The following SOS2 variants were observed in gnomAD, a reference collection of about 807,000 sequenced individuals.
SOS2 encodes SOS Ras/Rho guanine nucleotide exchange factor 2.
Under a neutral mutation model 148.2 loss-of-function variants are expected in SOS2, and 65 were observed. The observed-to-expected ratio is 0.44, with a 90% confidence interval of 0.36 to 0.54. SOS2 has a LOEUF of 0.54. Ranked by LOEUF, SOS2 falls within the 20% of genes least tolerant of loss-of-function variation. The pLI, the probability that SOS2 is intolerant of heterozygous loss-of-function variation, is 0.00. For synonymous variants in SOS2, 539 were observed against 537.1 expected (o/e 1.00, Z -0.05); for missense variants, 1,341 against 1,590.2 (o/e 0.84, Z 2.67).
chr14:50,204,220 T>C lies in SOS2; in HGVS notation c.213+64A>G, dbSNP rs149453618. 215 of 968,036 alleles carry C rather than the reference T, an allele frequency of 2.2e-4. 1 individual carries two copies. Among genetic ancestry groups the C allele is most frequent in the African/African-American group, 1.9e-3 (112 of 59,562 alleles). 60.0% of individuals were successfully genotyped at this position (968,036 alleles called of 1,614,324 possible). A position where few individuals can be genotyped will look rare whatever the true frequency, so the allele number is the denominator to read the frequency against. ...GTTTTCACAATAAATTAGAATGATA[T>C]AGATACAAAAATTAATTCATACAGT... On this transcript the variant is annotated intron_variant, in intron 2 of 22. Transcript: ENST00000216373.
At position 50,200,870 on chromosome 14, in the gene SOS2, T is replaced by C. The variant is rs538540157; in HGVS notation, c.345+83A>G. On this transcript the variant is annotated intron_variant, in intron 3 of 22. Transcript: ENST00000216373. ...ATATACACACTAACACAGACCATGC[T>C]ACATTAATGCTTTATAAATATAGAA... The C allele has an allele frequency of 3.0e-6, 4 of 1,321,514 alleles. No individual in the cohort carries two copies. In the African/African-American group the frequency reaches 5.9e-5, roughly 19 times the overall value. 81.9% of individuals were successfully genotyped at this position (1,321,514 alleles called of 1,614,324 possible).
intron 1 of SOS2, among the ~76,000 whole-genome samples, chr14:50,212,065 T>C (rs191609812): frequency 1.8e-4 from 27 of 152,182 alleles, no homozygotes; most frequent in Non-Finnish European, 2.9e-4. Context: ...ATACATACAA[T>C]GGGATTCCAT....
chr14:50,125,703 T>C (rs1420802393), intron 21 of SOS2, among the ~76,000 whole-genome samples: 1 of 152,082 alleles, frequency 6.6e-6, no homozygotes, highest in Non-Finnish European at 1.5e-5. Flanking sequence ...AAGGAAGGCA[T>C]GGACATGAAA....
Position 50,162,112 on chromosome 14 carries a change from G to GA in SOS2, c.1069-504dup, listed in dbSNP as rs965777010. On this transcript the variant is annotated intron_variant, in intron 8 of 22. Coordinates refer to ENST00000216373, the MANE Select transcript of SOS2 (RefSeq NM_006939.4). ...AAACTAACATGAGCATAGTAATCAG[G>GA]AAAAAAAAAAGCAACTGTAAAAACC... Among the ~76,000 whole-genome samples, 356 of 141,518 alleles carry GA rather than the reference G, an allele frequency of 2.5e-3. 3 individuals carry two copies. Among genetic ancestry groups the GA allele is most frequent in the South Asian group, 6.0e-3 (25 of 4,134 alleles). 92.8% of individuals were successfully genotyped at this position (141,518 alleles called of 152,430 possible).
chr14:50,196,846 T>C (rs1325576951), intron 4 of SOS2, among the ~76,000 whole-genome samples: 2 of 152,098 alleles, frequency 1.3e-5, no homozygotes, highest in African/African-American at 2.4e-5. Context: ...CTAGGGCTCC[T>C]AATAACCAAA....
At chr14:50,135,118 A>C (rs1884035017) in intron 18 of SOS2, among the ~76,000 whole-genome samples, 1 of 149,540 alleles carries the variant, frequency 6.7e-6, no homozygotes, top group South Asian at 2.1e-4. Flanking sequence ...AGAAAGAAAG[A>C]ATGATTATAA....
At chr14:50,185,826 C>T (rs1885890844) in intron 5 of SOS2, among the ~76,000 whole-genome samples, 1 of 152,032 alleles carries the variant, frequency 6.6e-6, no homozygotes, top group Non-Finnish European at 1.5e-5. Flanking sequence ...ATATTCTAGG[C>T]ACTCTTCTAA....
chr14:50,180,551 A>AACCTTCAATTT, intron 7 of SOS2, 21 bp downstream of exon 7: 1 of 1,097,482 alleles, frequency 9.1e-7, no homozygotes, highest in Admixed American at 2.5e-5. Flanking sequence ...AAAAAAAAAA[A>AACCTTCAATTT]AACCTTCAAT....
intron 6 of SOS2, among the ~76,000 whole-genome samples, chr14:50,181,415 T>C (rs1333547390): frequency 1.3e-5 from 2 of 149,208 alleles, no homozygotes; most frequent in Non-Finnish European, 3.0e-5. Context: ...GCCATTGCAC[T>C]CTAGAATGGG....
chr14:50,134,264 T>C, intron 18 of SOS2, 25 bp from the exon 19 acceptor site: 2 of 1,038,936 alleles, frequency 1.9e-6, no homozygotes, highest in Non-Finnish European at 3.0e-6. Context: ...ATAACACAAG[T>C]GCATATATAG....
At position 50,139,091 on chromosome 14, in the gene SOS2, T is replaced by C. The variant is rs1884178796; in HGVS notation, c.2786-307A>G. On this transcript the variant is annotated intron_variant, in intron 17 of 22. Coordinates refer to ENST00000216373, the MANE Select transcript of SOS2 (RefSeq NM_006939.4). ...CTAATTTCACCAAGTGCAAATTGTG[T>C]TAAATCTATTCTGACCAAATATTTT... is the stretch of plus-strand genomic sequence containing the variant. Among the ~76,000 whole-genome samples the C allele has an allele frequency of 1.3e-5, 2 of 152,192 alleles. 1 individual carries two copies. The highest frequency in any genetic ancestry group is 4.1e-4 in the South Asian group (2 of 4,836).
At chr14:50,198,919 G>A (rs911075723) in intron 4 of SOS2, among the ~76,000 whole-genome samples, 5 of 152,192 alleles carry the variant, frequency 3.3e-5, no homozygotes, top group African/African-American at 1.2e-4. Flanking sequence ...AACACTTTGG[G>A]AGGCTGAGGC....
intron 14 of SOS2, among the ~76,000 whole-genome samples, chr14:50,147,275 T>A (rs1490649370): frequency 6.6e-6 from 1 of 151,684 alleles, no homozygotes; most frequent in Non-Finnish European, 1.5e-5. Flanking sequence ...TTTGGGAGGT[T>A]GAGGTGGGAG....
chr14:50,157,981 T>C (rs770653409), intron 11 of SOS2, among the ~76,000 whole-genome samples: 36 of 152,266 alleles, frequency 2.4e-4, no homozygotes, highest in Non-Finnish European at 4.7e-4. Context: ...TGATCCCGTA[T>C]TTTCTAGAGA....
chr14:50,193,872 G>C (rs1266747442), intron 4 of SOS2, among the ~76,000 whole-genome samples: 1 of 152,048 alleles, frequency 6.6e-6, no homozygotes, highest in African/African-American at 2.4e-5. Flanking sequence ...AGCCTCCTGA[G>C]TAGCTGGGAT....
intron 21 of SOS2, among the ~76,000 whole-genome samples, chr14:50,128,462 G>C (rs184487790): frequency 2.0e-5 from 3 of 151,966 alleles, no homozygotes; most frequent in African/African-American, 7.3e-5. Flanking sequence ...ACATTAATGA[G>C]GCAATTATGA....
chr14:50,229,551 G>C (rs2139886568), intron 1 of SOS2, among the ~76,000 whole-genome samples: 1 of 151,014 alleles, frequency 6.6e-6, no homozygotes, highest in East Asian at 1.9e-4. Flanking sequence ...GTTTATGCCT[G>C]TAATCCCAAC....
intron 6 of SOS2, among the ~76,000 whole-genome samples, chr14:50,182,184 A>G (rs752411244): frequency 6.6e-6 from 1 of 152,034 alleles, no homozygotes; most frequent in Non-Finnish European, 1.5e-5. Flanking sequence ...TCTAATTTTC[A>G]TAAAGAATAT....
intron 5 of SOS2, among the ~76,000 whole-genome samples, chr14:50,186,880 TATA>T (rs1885929807): frequency 6.6e-6 from 1 of 152,346 alleles, no homozygotes; most frequent in African/African-American, 2.4e-5. Context: ...TCTTTTGGAA[TATA>T]ATGAGAAAAG....
Sources: gnomAD v4.1 joint callset for allele counts (sites outside exome capture counted in the v4.1 genomes callset) on GRCh38, gnomAD v4.1.1 for gene constraint, MANE v1.5 for transcripts, NCBI Gene and HGNC (gene_info 2026-07-23, HGNC 2026-07-21) for gene names.